The following LRRTM4 variants were observed in gnomAD, a reference collection of about 807,000 sequenced individuals.
The protein encoded by LRRTM4 is leucine-rich repeat transmembrane neuronal protein 4.
A neutral mutation model predicts 47.6 loss-of-function variants in LRRTM4; 25 were observed. The ratio of observed to expected loss-of-function variants is 0.53; its 90% CI spans 0.38 to 0.73. LRRTM4 has a LOEUF of 0.73. Among genes scored for constraint, LRRTM4 ranks in the 30% least tolerant of loss-of-function variants. The pLI, the probability that LRRTM4 is intolerant of heterozygous loss-of-function variation, is 0.00. For synonymous variants in LRRTM4, 311 were observed against 269.5 expected, an observed-to-expected ratio of 1.15 and a Z score of -1.51; for missense variants, 638 against 713.4, an observed-to-expected ratio of 0.89 and a Z score of 1.20.
intron 3 of LRRTM4, among the ~76,000 whole-genome samples, chr2:76,779,246 G>A (rs1328676701): frequency 9.5e-5 from 14 of 146,890 alleles, no homozygotes; most frequent in South Asian, 2.2e-4. Context: ...TGTTGATTTG[G>A]GGTGGAGAGT....
chr2:77,250,077 C>T (rs1675562096), intron 3 of LRRTM4, among the ~76,000 whole-genome samples: 1 of 151,948 alleles, frequency 6.6e-6, no homozygotes, highest in Non-Finnish European at 1.5e-5. Context: ...TGAAAGGCTA[C>T]ATACTGTATG....
Position 77,372,699 on chromosome 2 carries a change from G to A in LRRTM4, c.1551+145619C>T, listed in dbSNP as rs1672694999. Among the ~76,000 whole-genome samples the A allele has an allele frequency of 2.0e-5, 3 of 151,600 alleles. No homozygotes were observed. The South Asian group carries it at 6.2e-4, about 31-fold the overall frequency. On this transcript the variant is annotated intron_variant, in intron 3 of 3. Transcript: ENST00000409884. The stretch of plus-strand genomic sequence containing the variant: ...ATAAGACATACAAATGGACCTTCAT[G>A]GAAAATATACTGTTGTAGTTGCTAT...
At chr2:76,985,941 C>CA (rs1032947617) in intron 3 of LRRTM4, 6 of 151,968 alleles carry the variant, frequency 3.9e-5, no homozygotes, top group African/African-American at 1.4e-4. Flanking sequence ...ACAAGTAATC[C>CA]ACCCTCTGAA....
intron 3 of LRRTM4, among the ~76,000 whole-genome samples, chr2:76,992,125 G>T (rs1438475366): frequency 1.3e-5 from 2 of 151,714 alleles, no homozygotes; most frequent in African/African-American, 4.8e-5. Flanking sequence ...AGGCAGTGAA[G>T]AAACATGACT....
intron 3 of LRRTM4, among the ~76,000 whole-genome samples, chr2:76,952,363 T>C (rs1675525989): frequency 6.6e-6 from 1 of 151,772 alleles, no homozygotes; most frequent in African/African-American, 2.4e-5. Flanking sequence ...AAACAACAAA[T>C]AACCTCATTT....
At chr2:77,124,648 G>C (rs1364130399) in intron 3 of LRRTM4, among the ~76,000 whole-genome samples, 1 of 152,094 alleles carries the variant, frequency 6.6e-6, no homozygotes, top group Non-Finnish European at 1.5e-5. Flanking sequence ...CAATATTGGA[G>C]TCATTCTCAA....
chr2:77,049,024 C>G (rs1190557594), intron 3 of LRRTM4, among the ~76,000 whole-genome samples: 1 of 150,252 alleles, frequency 6.7e-6, no homozygotes, highest in Admixed American at 6.7e-5. Flanking sequence ...CAATATTCAT[C>G]TTTCTGTGCC....
chr2:76,849,764 A>G (rs72819246), intron 3 of LRRTM4, among the ~76,000 whole-genome samples: 4,737 of 152,272 alleles, frequency 0.031, 122 homozygotes, highest in East Asian at 0.062. Flanking sequence ...TCTGTATTTT[A>G]TAATTAAAGG....
chr2:77,025,039 A>G (rs1678407779), intron 3 of LRRTM4, among the ~76,000 whole-genome samples: 1 of 152,180 alleles, frequency 6.6e-6, no homozygotes, highest in Admixed American at 6.5e-5. Flanking sequence ...AAGCATTTAT[A>G]TTTTCATACT....
chr2:76,852,306 A>G (rs1355171400), intron 3 of LRRTM4, among the ~76,000 whole-genome samples: 1 of 152,116 alleles, frequency 6.6e-6, no homozygotes, highest in Non-Finnish European at 1.5e-5. Context: ...CACCAAAATC[A>G]CAGCTTCGTA....
rs531601975 is a variant in LRRTM4 at position 77,162,148 on chromosome 2, A to G, written c.1551+356170T>C. Among the ~76,000 whole-genome samples the G allele has an allele frequency of 1.1e-4, 16 of 152,314 alleles. No individual in the cohort carries two copies. In the Middle Eastern group the frequency reaches 0.014, roughly 130 times the overall value. On this transcript the variant is annotated intron_variant, in intron 3 of 3. Coordinates refer to ENST00000409884, the MANE Select transcript of LRRTM4 (RefSeq NM_001134745.3). ...AATACTGTGCTTTTCCAATGGTCTTAGCAAATGGCACCCCAGGAGATTATA... is the reference window on the plus strand; with the variant it reads ...AATACTGTGCTTTTCCAATGGTCTTGGCAAATGGCACCCCAGGAGATTATA...
At chr2:77,350,204 T>A (rs955405727) in intron 3 of LRRTM4, among the ~76,000 whole-genome samples, 15 of 150,030 alleles carry the variant, frequency 1.0e-4, no homozygotes, top group Admixed American at 8.0e-4. Context: ...CGGGCGCCTG[T>A]AGTCCCAGCT....
At position 77,518,628 on chromosome 2, in the gene LRRTM4, T is replaced by A; in HGVS notation, c.1241A>T (p.Glu414Val). ...AAATGAAACATGCTCATACTCTTGC[T>A]CTGCGCCAGGAATCTGAAACCCTGG... ...PSPGFQIPGAEQEYEHVSFHK... is the reference protein window; with the variant it reads ...PSPGFQIPGAVQEYEHVSFHK... The change falls in exon 3 of 4, where the codon GAG becomes GTG. Residue 414 changes from glutamate (E) to valine (V), a missense_variant. Coordinates refer to ENST00000409884, the MANE Select transcript of LRRTM4 (RefSeq NM_001134745.3). 1 of 1,613,468 alleles carries A rather than the reference T, an allele frequency of 6.2e-7. No homozygotes were observed.
chr2:76,795,023 T>A (rs1675195680), intron 3 of LRRTM4, among the ~76,000 whole-genome samples: 1 of 151,776 alleles, frequency 6.6e-6, no homozygotes, highest in African/African-American at 2.4e-5. Flanking sequence ...CCAGATTTTA[T>A]GCAAATAAAG....
chr2:77,003,135 G>A (rs1677495305), intron 3 of LRRTM4, among the ~76,000 whole-genome samples: 1 of 151,558 alleles, frequency 6.6e-6, no homozygotes, highest in African/African-American at 2.4e-5. Flanking sequence ...TCTCTTCTCT[G>A]AAACTCCCTT....
At chr2:76,915,171 T>A (rs1674201323) in intron 3 of LRRTM4, among the ~76,000 whole-genome samples, 2 of 152,208 alleles carry the variant, frequency 1.3e-5, no homozygotes, top group Non-Finnish European at 2.9e-5. Flanking sequence ...GGGAGCAAGC[T>A]AGATAAAATC....
intron 3 of LRRTM4, among the ~76,000 whole-genome samples, chr2:77,479,452 T>C (rs1677565318): frequency 6.6e-6 from 1 of 151,474 alleles, no homozygotes. Context: ...ACTCTGGAGG[T>C]TTCAAAAAGC....
chr2:76,899,350 CACATAT>C (rs1335784757), intron 3 of LRRTM4, among the ~76,000 whole-genome samples: 16 of 131,392 alleles, frequency 1.2e-4, no homozygotes, highest in African/African-American at 5.4e-4. Flanking sequence ...CACACACACA[CACATAT>C]ATATATATAA....
chr2:76,982,634 C>G (rs116151208), intron 3 of LRRTM4, among the ~76,000 whole-genome samples: 1,918 of 151,876 alleles, frequency 0.013, 40 homozygotes, highest in African/African-American at 0.044. Flanking sequence ...GTGTGAGGAA[C>G]CAAGAGTGAA....
Sources: gnomAD v4.1 joint callset for allele counts (sites outside exome capture counted in the v4.1 genomes callset) on GRCh38, gnomAD v4.1.1 for gene constraint, MANE v1.5 for transcripts, NCBI Gene and HGNC (gene_info 2026-07-23, HGNC 2026-07-21) for gene names.